SYNDIG1L: variants seen among roughly 807,000 people sequenced by gnomAD.
SYNDIG1L encodes the protein synapse differentiation inducing 1 like.
In SYNDIG1L, 13 loss-of-function variants were observed where a neutral mutation model predicts 20.1. The ratio of observed to expected loss-of-function variants is 0.65; its 90% CI spans 0.42 to 1.03. The LOEUF is 1.03. Ranked by LOEUF, SYNDIG1L falls within the 50% of genes least tolerant of loss-of-function variation. The pLI, the probability that SYNDIG1L is intolerant of heterozygous loss-of-function variation, is 0.00. For synonymous variants in SYNDIG1L, 128 were observed against 129.3 expected, an observed-to-expected ratio of 0.99 and a Z score of 0.07; for missense variants, 294 against 305.1, an observed-to-expected ratio of 0.96 and a Z score of 0.27.
intron 1 of SYNDIG1L, among the ~76,000 whole-genome samples, chr14:74,413,082 A>G (rs1163160810): frequency 6.6e-6 from 1 of 152,206 alleles, no homozygotes; most frequent in Non-Finnish European, 1.5e-5. Flanking sequence ...CCTGAAGACC[A>G]TAGGGGCATT....
At chr14:74,419,404 T>A (rs980523527) in intron 1 of SYNDIG1L, among the ~76,000 whole-genome samples, 4 of 152,190 alleles carry the variant, frequency 2.6e-5, no homozygotes, top group Non-Finnish European at 5.9e-5. Context: ...ATCTCATGAA[T>A]GAATGAGTGA....
At chr14:74,475,345 G>A in the SYNDIG1L span, among the ~76,000 whole-genome samples, 1 of 150,810 alleles carries the variant, frequency 6.6e-6, no homozygotes, top group Admixed American at 6.7e-5. Flanking sequence ...TTATCATCCT[G>A]TTTTACAGCT....
the SYNDIG1L span, among the ~76,000 whole-genome samples, chr14:74,434,201 C>T: frequency 6.6e-6 from 1 of 152,164 alleles, no homozygotes; most frequent in African/African-American, 2.4e-5. Context: ...TTTTCTAACT[C>T]TCTGCAATAT....
At chr14:74,467,405 C>A in the SYNDIG1L span, among the ~76,000 whole-genome samples, 1 of 152,140 alleles carries the variant, frequency 6.6e-6, no homozygotes, top group African/African-American at 2.4e-5. Flanking sequence ...TGTGCTCCCA[C>A]CTACCTTAGG....
At chr14:74,447,963 G>A in the SYNDIG1L span, among the ~76,000 whole-genome samples, 3 of 152,166 alleles carry the variant, frequency 2.0e-5, no homozygotes, top group African/African-American at 7.2e-5. Flanking sequence ...AGTAAAAAAT[G>A]TGTACTATAA....
Position 74,409,783 on chromosome 14 carries a change from G to C in SYNDIG1L, c.-39C>G, listed in dbSNP as rs764212352. The C allele has an allele frequency of 7.1e-7, 1 of 1,415,102 alleles. No individual in the cohort carries two copies. Among genetic ancestry groups the C allele is most frequent in the Non-Finnish European group, 9.3e-7 (1 of 1,080,824 alleles). The allele number at this position is 1,415,102 out of a possible 1,614,324, so 87.7% of individuals were successfully genotyped here. Reference sequence around the variant, plus strand: ...CTGCTGGGGAGGGGGGCCTGGGCCAGCTGAGCAGTCCTCAGAGCCTGTCAG... The same window carrying C: ...CTGCTGGGGAGGGGGGCCTGGGCCACCTGAGCAGTCCTCAGAGCCTGTCAG... On this transcript the variant is annotated 5_prime_UTR_variant, in exon 2 of 4. Coordinates refer to ENST00000331628, the MANE Select transcript of SYNDIG1L (RefSeq NM_001105579.2).
intron 1 of SYNDIG1L, among the ~76,000 whole-genome samples, chr14:74,423,351 C>T (rs111499873): frequency 1.7e-4 from 26 of 152,336 alleles, no homozygotes; most frequent in African/African-American, 6.3e-4. Flanking sequence ...AGCTCCTCTG[C>T]AGACCAGCCT....
At chr14:74,437,396 C>T in the SYNDIG1L span, among the ~76,000 whole-genome samples, 2 of 152,118 alleles carry the variant, frequency 1.3e-5, no homozygotes, top group Non-Finnish European at 2.9e-5. Context: ...TTAGAATGAC[C>T]AGGGCTGGAA....
the SYNDIG1L span, among the ~76,000 whole-genome samples, chr14:74,438,309 T>C: frequency 8.5e-5 from 13 of 152,206 alleles, no homozygotes; most frequent in Non-Finnish European, 1.8e-4. Flanking sequence ...TATTTTAGAT[T>C]TCAGAATTTG....
chr14:74,462,668 G>T, the SYNDIG1L span, among the ~76,000 whole-genome samples: 262 of 152,022 alleles, frequency 1.7e-3, no homozygotes, highest in African/African-American at 6.1e-3. Context: ...ACTATGCTGG[G>T]CTAATTTTTG....
chr14:74,409,604 C>A lies in SYNDIG1L; in HGVS notation c.141G>T (p.Gly47=). The stretch of plus-strand genomic sequence containing the variant: ...CCAGGAGCTGGTGGGCTCCGGCAGG[C>A]CCAGCGCCACCTAGGAGGTAGGAGT... ...KLYSYLLGGA[G]PAGAHQLLDP... Residue 47 remains glycine, a synonymous_variant, in exon 2 of 4, where the codon GGG becomes GGT. Coordinates refer to ENST00000331628, the MANE Select transcript of SYNDIG1L (RefSeq NM_001105579.2). The A allele has an allele frequency of 6.6e-7, 1 of 1,508,616 alleles. No individual in the cohort carries two copies. Among genetic ancestry groups the A allele is most frequent in the South Asian group, 1.4e-5 (1 of 73,550 alleles). 93.5% of individuals were successfully genotyped at this position (1,508,616 alleles called of 1,614,324 possible).
At chr14:74,443,193 T>C in the SYNDIG1L span, among the ~76,000 whole-genome samples, 1 of 152,138 alleles carries the variant, frequency 6.6e-6, no homozygotes, top group Non-Finnish European at 1.5e-5. Context: ...TTGAGAAGAA[T>C]GAACCTGAAA....
chr14:74,433,152 T>C, the SYNDIG1L span, among the ~76,000 whole-genome samples: 1 of 152,120 alleles, frequency 6.6e-6, no homozygotes, highest in Non-Finnish European at 1.5e-5. Context: ...CCTGAGGAGA[T>C]GCTGTGGGGG....
At chr14:74,428,246 CT>C (rs571329019), upstream of SYNDIG1L, among the ~76,000 whole-genome samples, 59 of 152,350 alleles carry the variant, frequency 3.9e-4, no homozygotes, top group African/African-American at 1.3e-3. Flanking sequence ...ATGTATGATG[CT>C]TGTGACAGAG....
intron 1 of SYNDIG1L, among the ~76,000 whole-genome samples, chr14:74,416,082 G>A (rs563520056): frequency 5.9e-5 from 9 of 151,922 alleles, no homozygotes; most frequent in Non-Finnish European, 1.0e-4. Context: ...GGGAGAGGAG[G>A]GCATTGATTA....
At chr14:74,417,104 A>G (rs572675338) in intron 1 of SYNDIG1L, among the ~76,000 whole-genome samples, 1 of 152,326 alleles carries the variant, frequency 6.6e-6, no homozygotes, top group South Asian at 2.1e-4. Context: ...ATCCTCTTTA[A>G]CATGTGGGGA....
chr14:74,440,281 C>T, the SYNDIG1L span, among the ~76,000 whole-genome samples: 223 of 151,942 alleles, frequency 1.5e-3, no homozygotes, highest in Non-Finnish European at 2.5e-3. Context: ...TCTGGGAGGC[C>T]GAGGTGGGCG....
At chr14:74,446,643 G>A in the SYNDIG1L span, among the ~76,000 whole-genome samples, 1 of 149,438 alleles carries the variant, frequency 6.7e-6, no homozygotes, top group East Asian at 1.9e-4. Context: ...TTTTGAGATG[G>A]AGTCTCATTC....
chr14:74,406,186 T>TA lies in SYNDIG1L; in HGVS notation c.*1348dup. 2 of 398,342 alleles carry TA rather than the reference T, an allele frequency of 5.0e-6. No homozygotes were observed. The highest frequency in any genetic ancestry group is 8.8e-6 in the Non-Finnish European group (2 of 226,204). The allele number at this position is 398,342 out of a possible 1,614,324, so 24.7% of individuals were successfully genotyped here. ...TGTCTCTAAAATTCTGGATGTGCCCTAGTGGCTGAGGGTGTTGAGACTGGC... is the reference window on the plus strand; with the variant it reads ...TGTCTCTAAAATTCTGGATGTGCCCTAAGTGGCTGAGGGTGTTGAGACTGGC... On this transcript the variant is annotated 3_prime_UTR_variant, in exon 4 of 4. Coordinates refer to ENST00000331628, the MANE Select transcript of SYNDIG1L (RefSeq NM_001105579.2).
Sources: allele counts gnomAD v4.1 joint callset (sites outside exome capture counted in the v4.1 genomes callset), GRCh38; gene constraint gnomAD v4.1.1; transcripts MANE v1.5; gene names NCBI Gene and HGNC (gene_info 2026-07-23, HGNC 2026-07-21).